Variants in FRS2 observed in about 807,000 individuals in gnomAD.
FRS2 encodes the protein fibroblast growth factor receptor substrate 2, also known as FGFR signalling adaptor.
In FRS2, 8 loss-of-function variants were observed where a neutral mutation model predicts 43.9. The observed-to-expected ratio is 0.18, with a 90% CI of 0.11 to 0.33. The LOEUF (loss-of-function observed/expected upper bound fraction) is 0.33, where lower values mean the gene tolerates loss of function less well. Ranked by LOEUF, FRS2 falls within the 10% of genes least tolerant of loss-of-function variation. FRS2 has a pLI of 1.00. For missense variants in FRS2, 534 were observed against 627.6 expected (o/e 0.85, Z 1.59); for synonymous variants, 219 against 220.3 (o/e 0.99, Z 0.05).
intron 1 of FRS2, among the ~76,000 whole-genome samples, chr12:69,521,559 TA>T (rs1381531465): frequency 6.6e-6 from 1 of 152,170 alleles, no homozygotes; most frequent in African/African-American, 2.4e-5. Context: ...TAGCTCTAAT[TA>T]TTTTGAGGTA....
chr12:69,564,101 C>T (rs1464584183), intron 4 of FRS2, among the ~76,000 whole-genome samples: 1 of 152,152 alleles, frequency 6.6e-6, no homozygotes, highest in Non-Finnish European at 1.5e-5. Context: ...ATTTTCTCAA[C>T]CAGTTCTTCA....
At chr12:69,545,134 T>G (rs1303140485) in intron 3 of FRS2, among the ~76,000 whole-genome samples, 1 of 152,106 alleles carries the variant, frequency 6.6e-6, no homozygotes, top group Non-Finnish European at 1.5e-5. Context: ...GAAACATTGC[T>G]CAAAGAAATT....
At chr12:69,572,365 G>A in intron 8 of FRS2, 84 bp downstream of exon 8, 1 of 1,047,354 alleles carries the variant, frequency 9.5e-7, no homozygotes, top group East Asian at 2.5e-5. Context: ...ATTTTATTCA[G>A]CTTGAAGTTT....
chr12:69,570,273 A>G (rs1593071238), intron 5 of FRS2, 58 bp from the exon 6 acceptor site: 4 of 1,233,950 alleles, frequency 3.2e-6, no homozygotes, highest in Non-Finnish European at 3.6e-6. Context: ...ATTAGCAACA[A>G]TGCATTTTCC....
chr12:69,538,518 A>T (rs1444880373), intron 3 of FRS2, among the ~76,000 whole-genome samples: 1 of 152,108 alleles, frequency 6.6e-6, no homozygotes, highest in Non-Finnish European at 1.5e-5. Flanking sequence ...AAGCTAAAAT[A>T]AAATGATTCA....
intron 1 of FRS2, among the ~76,000 whole-genome samples, chr12:69,508,825 A>G (rs192697226): frequency 5.1e-4 from 78 of 152,294 alleles, no homozygotes; most frequent in African/African-American, 1.7e-3. Flanking sequence ...TCCATCTAAG[A>G]AGGATGAAGA....
intron 1 of FRS2, among the ~76,000 whole-genome samples, chr12:69,519,334 ACT>A (rs1160284662): frequency 6.6e-6 from 1 of 152,110 alleles, no homozygotes; most frequent in East Asian, 1.9e-4. Context: ...AAAATCACAG[ACT>A]CTGATGACGT....
At position 69,569,138 on chromosome 12, in the gene FRS2, G is replaced by A. The variant is rs1880541268; in HGVS notation, c.66+42G>A. On this transcript the variant is annotated intron_variant, in intron 5 of 8. Coordinates refer to ENST00000549921, the MANE Select transcript of FRS2 (RefSeq NM_001278356.2). Reference sequence around the variant, plus strand: ...GAGTTATATATCTTACTGCCTAGTTGGGTGTTCTTCTTTTATTTCACTTAA... The same window carrying A: ...GAGTTATATATCTTACTGCCTAGTTAGGTGTTCTTCTTTTATTTCACTTAA... 3 of 1,165,344 alleles carry A rather than the reference G, an allele frequency of 2.6e-6. No individual in the cohort carries two copies. The Admixed American group carries it at 5.6e-5, about 22-fold the overall frequency. 72.2% of individuals were successfully genotyped at this position (1,165,344 alleles called of 1,614,324 possible). A position where few individuals can be genotyped will look rare whatever the true frequency, so the allele number is the denominator to read the frequency against.
At chr12:69,571,532 A>C in intron 7 of FRS2, 98 bp downstream of exon 7, 1 of 952,186 alleles carries the variant, frequency 1.1e-6, no homozygotes, top group Non-Finnish European at 1.6e-6. Flanking sequence ...AGAAATCACC[A>C]CTGGATAACA....
chr12:69,535,965 T>C (rs1261631823), intron 3 of FRS2, among the ~76,000 whole-genome samples: 2 of 151,964 alleles, frequency 1.3e-5, no homozygotes, highest in East Asian at 3.8e-4. Flanking sequence ...TTGAATTGAA[T>C]TTTTATCATT....
chr12:69,471,816 A>G (rs1190829524), intron 1 of FRS2, among the ~76,000 whole-genome samples: 1 of 152,160 alleles, frequency 6.6e-6, no homozygotes, highest in African/African-American at 2.4e-5. Flanking sequence ...GCTATCTGCA[A>G]CTCTCATCTT....
chr12:69,517,496 G>GC (rs1430484220), intron 1 of FRS2, among the ~76,000 whole-genome samples: 1 of 151,140 alleles, frequency 6.6e-6, no homozygotes, highest in African/African-American at 2.4e-5. Context: ...AGGGGCATTT[G>GC]CCAATGGTGA....
chr12:69,507,831 C>T (rs188249611), intron 1 of FRS2, among the ~76,000 whole-genome samples: 57 of 152,040 alleles, frequency 3.7e-4, no homozygotes, highest in African/African-American at 1.3e-3. Flanking sequence ...TCAAGACCAG[C>T]CTGACCAACA....
intron 1 of FRS2, among the ~76,000 whole-genome samples, chr12:69,481,015 C>G (rs1160968385): frequency 1.3e-5 from 2 of 152,128 alleles, no homozygotes; most frequent in Non-Finnish European, 2.9e-5. Flanking sequence ...GAATAGTGTC[C>G]TATTTTCTTA....
intron 1 of FRS2, among the ~76,000 whole-genome samples, chr12:69,527,233 T>A (rs1355727373): frequency 1.3e-5 from 2 of 152,066 alleles, no homozygotes; most frequent in Admixed American, 6.6e-5. Context: ...TTAATGCCCT[T>A]AATAATCCCC....
chr12:69,553,374 T>A (rs1263395055), intron 3 of FRS2, among the ~76,000 whole-genome samples: 2 of 152,090 alleles, frequency 1.3e-5, no homozygotes, highest in Non-Finnish European at 2.9e-5. Context: ...CCTGGCCCAC[T>A]TGGAGCTATT....
rs548196520 is a variant in FRS2 at position 69,575,303 on chromosome 12, T to A, written c.*348T>A. 9.1e-6 allele frequency: 2 copies of A among 219,194 alleles called. No homozygotes were observed. The highest frequency in any genetic ancestry group is 1.8e-5 in the Non-Finnish European group (2 of 110,872). 13.6% of individuals were successfully genotyped at this position (219,194 alleles called of 1,614,324 possible). On this transcript the variant is annotated 3_prime_UTR_variant, in exon 9 of 9. Transcript: ENST00000549921. ...CATGGTTGGCTTTTAAAACTTTTTA[T>A]AAAGCCTCTTGACAATGTACATTGC... is the stretch of plus-strand genomic sequence containing the variant.
chr12:69,537,146 G>A (rs981262610), intron 3 of FRS2, among the ~76,000 whole-genome samples: 1 of 152,010 alleles, frequency 6.6e-6, no homozygotes, highest in Non-Finnish European at 1.5e-5. Context: ...GCATGCTCTG[G>A]TTGTCCTCCT....
At chr12:69,545,625 C>T (rs534154955) in intron 3 of FRS2, among the ~76,000 whole-genome samples, 1 of 152,022 alleles carries the variant, frequency 6.6e-6, no homozygotes, top group South Asian at 2.1e-4. Context: ...GGTGTGGTGG[C>T]AGACGCCTGT....
Sources: allele counts gnomAD v4.1 joint callset (sites outside exome capture counted in the v4.1 genomes callset), GRCh38; gene constraint gnomAD v4.1.1; transcripts MANE v1.5; gene names NCBI Gene and HGNC (gene_info 2026-07-23, HGNC 2026-07-21).